The following FGGY variants were observed in gnomAD, a reference collection of about 807,000 sequenced individuals.
The protein encoded by FGGY is FGGY carbohydrate kinase domain containing.
Under a neutral mutation model 71.3 loss-of-function variants are expected in FGGY, and 72 were observed. The observed-to-expected ratio is 1.01, with a 90% CI of 0.84 to 1.23. The LOEUF (loss-of-function observed/expected upper bound fraction) is 1.23, where lower values mean the gene tolerates loss of function less well. Ranked by LOEUF, FGGY falls within the 50% of genes most tolerant of loss-of-function variation. FGGY has a pLI of 0.00. For synonymous variants in FGGY, 251 were observed against 250.3 expected, an observed-to-expected ratio of 1.00 and a Z score of -0.02; for missense variants, 668 against 682.3, an observed-to-expected ratio of 0.98 and a Z score of 0.23.
At chr1:59,412,118 C>G (rs1448861549) in intron 5 of FGGY, among the ~76,000 whole-genome samples, 3 of 152,170 alleles carry the variant, frequency 2.0e-5, no homozygotes, top group Non-Finnish European at 4.4e-5. Flanking sequence ...ATCTCTTGTT[C>G]CAGCTGCCGT....
intron 6 of FGGY, among the ~76,000 whole-genome samples, chr1:59,485,741 C>G (rs1284941959): frequency 1.3e-5 from 2 of 152,142 alleles, no homozygotes; most frequent in Non-Finnish European, 2.9e-5. Context: ...CTACTATTTA[C>G]TAGGAACTGT....
chr1:59,421,430 A>G (rs1027638252), intron 5 of FGGY, among the ~76,000 whole-genome samples: 3 of 152,136 alleles, frequency 2.0e-5, no homozygotes, highest in Non-Finnish European at 4.4e-5. Flanking sequence ...TTGTTTAAAA[A>G]GAATCAGGGT....
intron 2 of FGGY, among the ~76,000 whole-genome samples, chr1:59,323,661 T>C (rs1356053784): frequency 1.3e-5 from 2 of 152,246 alleles, no homozygotes; most frequent in Non-Finnish European, 2.9e-5. Context: ...TTTATTAGGT[T>C]GTGATCTTGG....
intron 8 of FGGY, among the ~76,000 whole-genome samples, chr1:59,589,399 A>G (rs1333705381): frequency 6.6e-6 from 1 of 152,174 alleles, no homozygotes; most frequent in Non-Finnish European, 1.5e-5. Flanking sequence ...GTTAACAAGG[A>G]TACCCAGGAA....
chr1:59,606,140 T>G (rs556731658), intron 8 of FGGY, among the ~76,000 whole-genome samples: 1 of 151,912 alleles, frequency 6.6e-6, no homozygotes, highest in Non-Finnish European at 1.5e-5. Context: ...TGTTAAAAAA[T>G]AATAATAATA....
chr1:59,611,974 AG>A (rs1313906542), intron 9 of FGGY, among the ~76,000 whole-genome samples: 5 of 152,350 alleles, frequency 3.3e-5, no homozygotes, highest in African/African-American at 1.2e-4. Context: ...AGACGAACAA[AG>A]CCTCCAAGAA....
At chr1:59,353,872 G>T (rs2053766464) in intron 4 of FGGY, among the ~76,000 whole-genome samples, 1 of 152,106 alleles carries the variant, frequency 6.6e-6, no homozygotes, top group South Asian at 2.1e-4. Context: ...TGGGAATCCA[G>T]AAGTGGTCTC....
chr1:59,718,761 C>T (rs1332848405), intron 14 of FGGY, among the ~76,000 whole-genome samples: 1 of 152,210 alleles, frequency 6.6e-6, no homozygotes, highest in East Asian at 1.9e-4. Flanking sequence ...CCGCTGTATA[C>T]CATGGGGTCA....
intron 8 of FGGY, among the ~76,000 whole-genome samples, chr1:59,575,307 C>A (rs1413183328): frequency 6.6e-6 from 1 of 152,168 alleles, no homozygotes; most frequent in African/African-American, 2.4e-5. Flanking sequence ...CTACTCTCTA[C>A]TTCTATGAGT....
intron 14 of FGGY, among the ~76,000 whole-genome samples, chr1:59,745,879 A>G (rs1457715217): frequency 2.0e-5 from 3 of 152,230 alleles, no homozygotes; most frequent in Non-Finnish European, 2.9e-5. Context: ...GATAGAGTAC[A>G]TGAGAGAATT....
intron 12 of FGGY, among the ~76,000 whole-genome samples, chr1:59,663,058 C>T (rs931430048): frequency 6.6e-6 from 1 of 152,046 alleles, no homozygotes; most frequent in Non-Finnish European, 1.5e-5. Context: ...ACAGGAGGGA[C>T]CAAGGGGCAC....
intron 4 of FGGY, among the ~76,000 whole-genome samples, chr1:59,361,833 A>C (rs2153231755): frequency 6.6e-6 from 1 of 152,268 alleles, no homozygotes; most frequent in Non-Finnish European, 1.5e-5. Flanking sequence ...CAGTTGTCTC[A>C]AGACTAGACA....
At chr1:59,461,465 G>A (rs913652878) in intron 6 of FGGY, among the ~76,000 whole-genome samples, 59 of 152,154 alleles carry the variant, frequency 3.9e-4, no homozygotes, top group Non-Finnish European at 1.0e-4. Flanking sequence ...TGAAAGTGAC[G>A]GGAAGAATGG....
chr1:59,504,163 C>A (rs190131647), intron 6 of FGGY, among the ~76,000 whole-genome samples: 1 of 152,050 alleles, frequency 6.6e-6, no homozygotes, highest in Admixed American at 6.6e-5. Context: ...ATGGATGTTC[C>A]TGGAGGGTGG....
chr1:59,760,000 A>C (rs1187600631), intron 15 of FGGY, among the ~76,000 whole-genome samples: 1 of 152,210 alleles, frequency 6.6e-6, no homozygotes. Flanking sequence ...AACAGAGTAA[A>C]AAGGCAACTC....
intron 14 of FGGY, among the ~76,000 whole-genome samples, chr1:59,690,021 G>T (rs939857167): frequency 1.3e-5 from 2 of 152,162 alleles, no homozygotes; most frequent in Non-Finnish European, 2.9e-5. Flanking sequence ...TGACAAACCA[G>T]ACTGGTTTGG....
rs1025144348 is a variant in FGGY at position 59,305,834 on chromosome 1, A to G, written c.-15+8684A>G. Among the ~76,000 whole-genome samples the G allele has an allele frequency of 2.6e-5, 4 of 152,092 alleles. No homozygotes were observed. The East Asian group carries it at 7.7e-4, about 29-fold the overall frequency. The stretch of plus-strand genomic sequence containing the variant: ...AGATGCATTAGTACGGATGATTAGT[A>G]CTCTCCTGAATACTTGGGGAGTACC... On this transcript the variant is annotated intron_variant, in intron 1 of 15. Coordinates refer to ENST00000303721, the MANE Select transcript of FGGY (RefSeq NM_018291.5).
At chr1:59,657,852 C>T (rs1447084975) in intron 11 of FGGY, among the ~76,000 whole-genome samples, 1 of 152,190 alleles carries the variant, frequency 6.6e-6, no homozygotes, top group Non-Finnish European at 1.5e-5. Context: ...GGGCAGGTGG[C>T]AACATGGAGC....
chr1:59,371,671 C>G (rs949930506), intron 4 of FGGY, among the ~76,000 whole-genome samples: 6 of 152,180 alleles, frequency 3.9e-5, no homozygotes, highest in African/African-American at 7.2e-5. Flanking sequence ...AGGCTCTCCT[C>G]AGCAAATGTA....
Sources: gnomAD v4.1 joint callset for allele counts (sites outside exome capture counted in the v4.1 genomes callset) on GRCh38, gnomAD v4.1.1 for gene constraint, MANE v1.5 for transcripts, NCBI Gene and HGNC (gene_info 2026-07-23, HGNC 2026-07-21) for gene names.